PBX1: variants seen among roughly 807,000 people sequenced by gnomAD.
PBX1 encodes pre-B-cell leukemia transcription factor 1.
PBX1 carries 6 observed loss-of-function variants against 53.4 expected under a neutral mutation model. The observed-to-expected ratio is 0.11, with a 90% CI of 0.06 to 0.22. The LOEUF is 0.22. Among genes scored for constraint, PBX1 ranks in the 10% least tolerant of loss-of-function variants. The probability of loss-of-function intolerance (pLI) is 1.00; values close to 1 mark genes in which losing one functional copy is unlikely to be tolerated. For missense variants in PBX1, 251 were observed against 551.4 expected, an observed-to-expected ratio of 0.46 and a Z score of 5.46; for synonymous variants, 204 against 212.3, an observed-to-expected ratio of 0.96 and a Z score of 0.34.
At chr1:164,881,707 T>C (rs576382277) in intron 2 of PBX1, among the ~76,000 whole-genome samples, 1 of 152,202 alleles carries the variant, frequency 6.6e-6, no homozygotes, top group Admixed American at 6.5e-5. Flanking sequence ...ATTTTCTGGC[T>C]GTCCAGCATC....
In PBX1 at chr1:164,870,218, T is replaced by TTTCCTTCCTTCCTTCCTTCCTTCC. The variant is rs1553255671; in HGVS notation, n.258-28942_258-28919dup. On this transcript the variant is annotated intron_variant and non_coding_transcript_variant, in intron 2 of 2. Coordinates refer to the PBX1 transcript ENST00000558796. Reference sequence around the variant, plus strand: ...TTTCTTTCTTTCTTTCTTTTCTTTCTTTCCTTCCTTCCTTCCTTCCTTCCT... The same window carrying TTTCCTTCCTTCCTTCCTTCCTTCC: ...TTTCTTTCTTTCTTTCTTTTCTTTCTTTCCTTCCTTCCTTCCTTCCTTCCTTCCTTCCTTCCTTCCTTCCTTCCT... Among the ~76,000 whole-genome samples, 90 of 55,186 alleles carry TTTCCTTCCTTCCTTCCTTCCTTCC rather than the reference T, an allele frequency of 1.6e-3. 13 individuals are homozygous for TTTCCTTCCTTCCTTCCTTCCTTCC. The highest frequency in any genetic ancestry group is 5.2e-3 in the South Asian group (10 of 1,924). 36.2% of individuals were successfully genotyped at this position (55,186 alleles called of 152,430 possible).
intron 2 of PBX1, among the ~76,000 whole-genome samples, chr1:164,636,166 T>TTC (rs1371760348): frequency 2.6e-5 from 4 of 151,804 alleles, no homozygotes; most frequent in African/African-American, 7.3e-5. Flanking sequence ...CTTTTTTTTT[T>TTC]CTCCTTTTGA....
intron 2 of PBX1, among the ~76,000 whole-genome samples, chr1:164,568,201 C>T (rs996973841): frequency 1.3e-5 from 2 of 152,098 alleles, no homozygotes; most frequent in African/African-American, 4.8e-5. Flanking sequence ...AAAGCATGAC[C>T]CTGACTTCTT....
intron 2 of PBX1, among the ~76,000 whole-genome samples, chr1:164,577,911 C>T (rs1182102207): frequency 6.6e-6 from 1 of 152,174 alleles, no homozygotes. Flanking sequence ...GTTGAGAGTT[C>T]TCTTGTTGCT....
At chr1:164,656,954 T>C (rs1165672468) in intron 2 of PBX1, among the ~76,000 whole-genome samples, 2 of 152,188 alleles carry the variant, frequency 1.3e-5, no homozygotes, top group Non-Finnish European at 2.9e-5. Context: ...ATACCAAGCC[T>C]GTGTAAAATA....
intron 2 of PBX1, among the ~76,000 whole-genome samples, chr1:164,882,372 T>C (rs972352895): frequency 5.9e-5 from 9 of 152,212 alleles, no homozygotes; most frequent in African/African-American, 2.2e-4. Context: ...TTTTTCTTGA[T>C]TTCTTAGATT....
At chr1:164,621,257 A>T (rs977765116) in intron 2 of PBX1, among the ~76,000 whole-genome samples, 1 of 151,930 alleles carries the variant, frequency 6.6e-6, no homozygotes, top group African/African-American at 2.4e-5. Flanking sequence ...AAAGTGCTGG[A>T]ATTACAGGCA....
At chr1:164,824,231 A>G (rs1373974615) in intron 8 of PBX1, among the ~76,000 whole-genome samples, 1 of 152,166 alleles carries the variant, frequency 6.6e-6, no homozygotes, top group Non-Finnish European at 1.5e-5. Context: ...AGCCCTGTAA[A>G]GTTCAGACCA....
intron 2 of PBX1, among the ~76,000 whole-genome samples, chr1:164,564,430 G>C (rs1174882790): frequency 6.6e-6 from 1 of 152,030 alleles, no homozygotes; most frequent in Non-Finnish European, 1.5e-5. Context: ...GGGCACACAG[G>C]GTGGCTTTCT....
At chr1:164,742,217 C>T (rs138671792) in intron 2 of PBX1, among the ~76,000 whole-genome samples, 1 of 151,828 alleles carries the variant, frequency 6.6e-6, no homozygotes, top group Non-Finnish European at 1.5e-5. Flanking sequence ...GTATTACTTA[C>T]GGATTGGAAG....
At chr1:164,692,428 A>G (rs973666750) in intron 2 of PBX1, among the ~76,000 whole-genome samples, 2 of 152,192 alleles carry the variant, frequency 1.3e-5, no homozygotes, top group African/African-American at 4.8e-5. Flanking sequence ...GGTGTGAACT[A>G]TGATATAATG....
intron 2 of PBX1, among the ~76,000 whole-genome samples, chr1:164,644,139 A>C (rs1659310701): frequency 6.6e-6 from 1 of 152,120 alleles, no homozygotes; most frequent in African/African-American, 2.4e-5. Flanking sequence ...CTTCTAATAT[A>C]GGGTTAAAAA....
intron 2 of PBX1, among the ~76,000 whole-genome samples, chr1:164,747,690 T>C (rs1225835252): frequency 6.6e-6 from 1 of 152,126 alleles, no homozygotes; most frequent in Non-Finnish European, 1.5e-5. Flanking sequence ...AACTGTAAAA[T>C]AATTAATAAT....
chr1:164,663,763 C>T lies in PBX1; in HGVS notation c.265+100452C>T, dbSNP rs183986869. ...AGCAAAGTATGTTGAAGTGTGTTGG[C>T]GCCTTAAATAAAATATCAATTGCCA... On this transcript the variant is annotated intron_variant, in intron 2 of 8. Transcript: ENST00000420696. 1.2e-4 allele frequency among the ~76,000 whole-genome samples: 19 copies of T among 152,258 alleles called. 1 individual carries two copies. In the East Asian group the frequency reaches 1.7e-3, roughly 14 times the overall value.
At chr1:164,774,030 G>GC (rs1449378991) in intron 2 of PBX1, among the ~76,000 whole-genome samples, 1 of 152,140 alleles carries the variant, frequency 6.6e-6, no homozygotes, top group Non-Finnish European at 1.5e-5. Flanking sequence ...AGGATAGATG[G>GC]CAAGATAGAT....
At position 164,679,512 on chromosome 1, in the gene PBX1, G is replaced by A. The variant is rs1259376710; in HGVS notation, c.266-112982G>A. ...GTATGCAATCCTGTGGGCTTTTGCT[G>A]CAAGTAGGCAGACCCCTTTCGTTTG... On this transcript the variant is annotated intron_variant, in intron 2 of 8. Transcript: ENST00000420696. 2.0e-5 allele frequency among the ~76,000 whole-genome samples: 3 copies of A among 152,130 alleles called. No homozygotes were observed. In the East Asian group the frequency reaches 5.8e-4, roughly 29 times the overall value.
At chr1:164,738,938 C>A (rs999518559) in intron 2 of PBX1, among the ~76,000 whole-genome samples, 11 of 152,158 alleles carry the variant, frequency 7.2e-5, no homozygotes, top group Non-Finnish European at 2.9e-5. Flanking sequence ...CTCATTTCTT[C>A]CACTATTATT....
At chr1:164,619,871 C>T (rs770000481) in intron 2 of PBX1, among the ~76,000 whole-genome samples, 1 of 152,096 alleles carries the variant, frequency 6.6e-6, no homozygotes, top group Admixed American at 6.6e-5. Flanking sequence ...AATGAGTTTG[C>T]CTTTTAAATA....
chr1:164,879,626 G>T (rs987925070), intron 2 of PBX1, among the ~76,000 whole-genome samples: 1 of 152,180 alleles, frequency 6.6e-6, no homozygotes, highest in African/African-American at 2.4e-5. Flanking sequence ...TCATGCACTG[G>T]ATGGGATCAC....
Sources: allele counts gnomAD v4.1 joint callset (sites outside exome capture counted in the v4.1 genomes callset), GRCh38; gene constraint gnomAD v4.1.1; transcripts MANE v1.5; gene names NCBI Gene and HGNC (gene_info 2026-07-23, HGNC 2026-07-21).